The following RASSF9 variants were observed in gnomAD, a reference collection of about 807,000 sequenced individuals.
RASSF9 encodes ras association domain-containing protein 9.
A neutral mutation model predicts 21.4 loss-of-function variants in RASSF9; 18 were observed. The ratio of observed to expected loss-of-function variants is 0.84; its 90% CI spans 0.58 to 1.25. The LOEUF (loss-of-function observed/expected upper bound fraction) is 1.25. Ranked by LOEUF, RASSF9 falls within the 50% of genes most tolerant of loss-of-function variation. RASSF9 has a pLI of 0.00. For missense variants in RASSF9, 480 were observed against 503.2 expected, an observed-to-expected ratio of 0.95 and a Z score of 0.44; for synonymous variants, 183 against 179.1, an observed-to-expected ratio of 1.02 and a Z score of -0.18.
intron 1 of RASSF9, among the ~76,000 whole-genome samples, chr12:85,835,837 A>G (rs541144065): frequency 9.9e-5 from 15 of 152,192 alleles, no homozygotes; most frequent in Non-Finnish European, 1.8e-4. Context: ...GGCAACAAAA[A>G]AAGAAACTGT....
At chr12:85,836,076 A>C in intron 1 of RASSF9, 79 bp downstream of exon 1, 2 of 1,545,018 alleles carry the variant, frequency 1.3e-6, no homozygotes, top group Non-Finnish European at 1.7e-6. Flanking sequence ...ATACTTTCAC[A>C]GGTAGGGTCC....
At chr12:85,830,607 G>A (rs1235974945) in intron 1 of RASSF9, among the ~76,000 whole-genome samples, 2 of 151,762 alleles carry the variant, frequency 1.3e-5, no homozygotes, top group East Asian at 3.9e-4. Context: ...ATAAAAGCAG[G>A]GTGCATTCTA....
chr12:85,830,391 G>A (rs1054902422), intron 1 of RASSF9, among the ~76,000 whole-genome samples: 2 of 152,080 alleles, frequency 1.3e-5, no homozygotes, highest in South Asian at 4.1e-4. Context: ...CATTCTTTAA[G>A]TTACCCATGT....
intron 1 of RASSF9, among the ~76,000 whole-genome samples, chr12:85,809,942 T>G (rs1879916435): frequency 6.6e-6 from 1 of 150,444 alleles, no homozygotes; most frequent in African/African-American, 2.4e-5. Context: ...ACTATCATTT[T>G]CTTTTTTTCT....
chr12:85,830,808 T>C (rs2136564243), intron 1 of RASSF9, among the ~76,000 whole-genome samples: 1 of 152,250 alleles, frequency 6.6e-6, no homozygotes, highest in Non-Finnish European at 1.5e-5. Context: ...CTTTCAATTT[T>C]ATCCAACAAA....
chr12:85,808,279 A>C (rs1879878503), intron 1 of RASSF9, among the ~76,000 whole-genome samples: 1 of 152,138 alleles, frequency 6.6e-6, no homozygotes, highest in African/African-American at 2.4e-5. Context: ...CCAACTCCTA[A>C]CAAAAAATTT....
chr12:85,809,389 G>T (rs1366578561), intron 1 of RASSF9, among the ~76,000 whole-genome samples: 1 of 152,036 alleles, frequency 6.6e-6, no homozygotes, highest in Non-Finnish European at 1.5e-5. Flanking sequence ...CCACTAGGCA[G>T]CCATAAAGAA....
chr12:85,806,127 A>G (rs2136549464), intron 1 of RASSF9, among the ~76,000 whole-genome samples, 165 bp from the exon 2 acceptor site: 1 of 151,886 alleles, frequency 6.6e-6, no homozygotes, highest in African/African-American at 2.4e-5. Context: ...GCTCACTGCA[A>G]GCTCCGCTTC....
Position 85,803,612 on chromosome 12 carries a change from CATA to C in RASSF9, c.*1087_*1089del, listed in dbSNP as rs1345151680. The C allele has an allele frequency of 6.6e-6, 1 of 152,050 alleles. No homozygotes were observed. The highest frequency in any genetic ancestry group is 1.5e-5 in the Non-Finnish European group (1 of 67,986). The allele number at this position is 152,050 out of a possible 1,614,324, so 9.4% of individuals were successfully genotyped here. A position where few individuals can be genotyped will look rare whatever the true frequency, so the allele number is the denominator to read the frequency against. Reference sequence around the variant, plus strand: ...TAATTAAAACACAAGCATAGTAGGCCATAATAATGATTGTCAGTCAAGATAAGA... The same window carrying C: ...TAATTAAAACACAAGCATAGTAGGCCATAATGATTGTCAGTCAAGATAAGA... On this transcript the variant is annotated 3_prime_UTR_variant, in exon 2 of 2. Coordinates refer to ENST00000361228, the MANE Select transcript of RASSF9 (RefSeq NM_005447.4).
At chr12:85,820,869 G>C (rs1172230158) in intron 1 of RASSF9, among the ~76,000 whole-genome samples, 1 of 152,142 alleles carries the variant, frequency 6.6e-6, no homozygotes, top group African/African-American at 2.4e-5. Flanking sequence ...ATTGAGGCCG[G>C]GCGCGGTGGC....
rs141362520 is a variant in RASSF9 at position 85,830,305 on chromosome 12, G to A, written c.47+5850C>T. 5.0e-3 allele frequency among the ~76,000 whole-genome samples: 756 copies of A among 152,200 alleles called. 3 individuals carry two copies. The highest frequency in any genetic ancestry group is 8.6e-3 in the Non-Finnish European group (582 of 67,962). ...GTATGTCATCTATTTATTAGACATGGCCCTTTACCACTTGAAAGCCAGGAG... is the reference window on the plus strand; with the variant it reads ...GTATGTCATCTATTTATTAGACATGACCCTTTACCACTTGAAAGCCAGGAG... On this transcript the variant is annotated intron_variant, in intron 1 of 1. Transcript: ENST00000361228.
At position 85,801,662 on chromosome 12, in the gene RASSF9, A is replaced by G. The variant is rs1879705859; in HGVS notation, c.*3040T>C. Reference sequence around the variant, plus strand: ...CCCGTCTCTACTAAAAAAATACAAAAAAATTAGCCTGGCGTGGTGGCGGGC... The same window carrying G: ...CCCGTCTCTACTAAAAAAATACAAAGAAATTAGCCTGGCGTGGTGGCGGGC... On this transcript the variant is annotated 3_prime_UTR_variant, in exon 2 of 2. Coordinates refer to ENST00000361228, the MANE Select transcript of RASSF9 (RefSeq NM_005447.4). 1 of 152,340 alleles carries G rather than the reference A, an allele frequency of 6.6e-6. No homozygotes were observed. The highest frequency in any genetic ancestry group is 2.1e-4 in the South Asian group (1 of 4,824). 9.4% of individuals were successfully genotyped at this position (152,340 alleles called of 1,614,324 possible). A position where few individuals can be genotyped will look rare whatever the true frequency, so the allele number is the denominator to read the frequency against.
chr12:85,828,790 A>G (rs1880389771), intron 1 of RASSF9, among the ~76,000 whole-genome samples: 1 of 152,144 alleles, frequency 6.6e-6, no homozygotes, highest in South Asian at 2.1e-4. Context: ...AGTTTCCTGC[A>G]CTATTAACAA....
chr12:85,804,945 T>G lies in RASSF9; in HGVS notation c.1065A>C (p.Lys355Asn), dbSNP rs1253241646. The change falls in exon 2 of 2, where the codon AAA (lysine) becomes AAC (asparagine). Residue 355 changes from lysine (K) to asparagine (N), a missense_variant. Transcript: ENST00000361228. ...YSDSLLQMKA[K>N]EYELLAKEFN... ...ATTCCTTGGCCAGGAGTTCATATTCTTTTGCTTTCATCTGAAGCAATGAGT... is the reference window on the plus strand; with the variant it reads ...ATTCCTTGGCCAGGAGTTCATATTCGTTTGCTTTCATCTGAAGCAATGAGT... 1.9e-6 allele frequency: 3 copies of G among 1,613,810 alleles called. No homozygotes were observed. Among genetic ancestry groups the G allele is most frequent in the African/African-American group, 2.7e-5 (2 of 74,948 alleles).
At chr12:85,809,815 T>C (rs1352191288) in intron 1 of RASSF9, among the ~76,000 whole-genome samples, 2 of 151,952 alleles carry the variant, frequency 1.3e-5, no homozygotes. Context: ...CCTCCAGAGA[T>C]CTGCCAGTTT....
At chr12:85,821,659 G>A (rs931405885) in intron 1 of RASSF9, among the ~76,000 whole-genome samples, 5 of 150,664 alleles carry the variant, frequency 3.3e-5, no homozygotes, top group Admixed American at 1.3e-4. Context: ...GTGTATATAC[G>A]AGTGTGTGTG....
intron 1 of RASSF9, among the ~76,000 whole-genome samples, chr12:85,818,366 TA>T (rs1190688728): frequency 6.6e-6 from 1 of 152,218 alleles, no homozygotes; most frequent in African/African-American, 2.4e-5. Flanking sequence ...TAAGTTTAGA[TA>T]AATGAATTAT....
In RASSF9 at chr12:85,804,937, T is replaced by C. The variant is rs770433565; in HGVS notation, c.1073A>G (p.Glu358Gly). Residue 358 changes from glutamate (E) to glycine (G), a missense_variant, in exon 2 of 2, where the codon GAA becomes GGA. Physicochemically the swap from Glu to Gly is moderately conservative, Grantham distance 98. Coordinates refer to ENST00000361228, the MANE Select transcript of RASSF9 (RefSeq NM_005447.4). ...TGAATTGAATTCCTTGGCCAGGAGT[T>C]CATATTCTTTTGCTTTCATCTGAAG... ...SLLQMKAKEY[E>G]LLAKEFNSLH... is the part of the protein sequence containing the mutation. 6.2e-6 allele frequency: 10 copies of C among 1,613,948 alleles called. No homozygotes were observed. The highest frequency in any genetic ancestry group is 8.5e-6 in the Non-Finnish European group (10 of 1,179,810).
At chr12:85,831,191 C>T (rs1880441933) in intron 1 of RASSF9, among the ~76,000 whole-genome samples, 1 of 151,932 alleles carries the variant, frequency 6.6e-6, no homozygotes, top group South Asian at 2.1e-4. Flanking sequence ...AGAATAGAGC[C>T]ACATATTTGT....
Sources: gnomAD v4.1 joint callset for allele counts (sites outside exome capture counted in the v4.1 genomes callset) on GRCh38, gnomAD v4.1.1 for gene constraint, MANE v1.5 for transcripts, NCBI Gene and HGNC (gene_info 2026-07-23, HGNC 2026-07-21) for gene names.